The following SLC24A3 variants were observed in gnomAD, a reference collection of about 807,000 sequenced individuals.
The protein encoded by SLC24A3 is sodium/potassium/calcium exchanger 3.
A neutral mutation model predicts 75.8 loss-of-function variants in SLC24A3; 28 were observed. The observed-to-expected ratio is 0.37, with a 90% CI of 0.27 to 0.51. SLC24A3 has a LOEUF of 0.51. Ranked by LOEUF, SLC24A3 falls within the 20% of genes least tolerant of loss-of-function variation. The probability of loss-of-function intolerance (pLI) is 0.94; values close to 1 mark genes in which losing one functional copy is unlikely to be tolerated. For missense variants in SLC24A3, 663 were observed against 847.8 expected (o/e 0.78, Z 2.71); for synonymous variants, 372 against 334.1 (o/e 1.11, Z -1.24).
intron 2 of SLC24A3, among the ~76,000 whole-genome samples, chr20:19,479,849 C>A (rs912643432): frequency 6.6e-6 from 1 of 152,176 alleles, no homozygotes; most frequent in African/African-American, 2.4e-5. Flanking sequence ...GCTTAAGGCA[C>A]ATGGTTGGGA....
At chr20:19,592,142 C>T (rs2031386912) in intron 6 of SLC24A3, among the ~76,000 whole-genome samples, 1 of 152,142 alleles carries the variant, frequency 6.6e-6, no homozygotes, top group South Asian at 2.1e-4. Flanking sequence ...GTTTTGTTTT[C>T]ATTTTAGCCA....
At chr20:19,458,282 C>T (rs1057170620) in intron 2 of SLC24A3, among the ~76,000 whole-genome samples, 2 of 152,136 alleles carry the variant, frequency 1.3e-5, no homozygotes, top group Non-Finnish European at 2.9e-5. Context: ...GCTTTGCACC[C>T]AAGCCCTTAA....
intron 1 of SLC24A3, among the ~76,000 whole-genome samples, chr20:19,267,947 C>T (rs972041475): frequency 1.3e-5 from 2 of 152,158 alleles, no homozygotes; most frequent in African/African-American, 4.8e-5. Flanking sequence ...CATAATTCAT[C>T]TCTAAGTTCA....
At chr20:19,278,965 GT>G (rs2122221021) in intron 1 of SLC24A3, among the ~76,000 whole-genome samples, 1 of 152,320 alleles carries the variant, frequency 6.6e-6, no homozygotes, top group South Asian at 2.1e-4. Flanking sequence ...ACTTCCATGA[GT>G]CTCACTTTCT....
chr20:19,338,113 C>G (rs1201677667), intron 2 of SLC24A3, among the ~76,000 whole-genome samples: 1 of 152,182 alleles, frequency 6.6e-6, no homozygotes, highest in African/African-American at 2.4e-5. Context: ...TTGGCCCCTT[C>G]ACCAAGATGG....
At chr20:19,587,064 T>C (rs895222745) in intron 6 of SLC24A3, among the ~76,000 whole-genome samples, 4 of 152,186 alleles carry the variant, frequency 2.6e-5, no homozygotes, top group African/African-American at 7.2e-5. Context: ...AGATGAACAG[T>C]TGCACCCAGC....
At chr20:19,221,485 G>T (rs8119691) in intron 1 of SLC24A3, among the ~76,000 whole-genome samples, 12,096 of 152,184 alleles carry the variant, frequency 0.079, 563 homozygotes, top group Middle Eastern at 0.12. Flanking sequence ...GTACATTTTT[G>T]AGGGTCACAG....
At chr20:19,693,548 G>A (rs1233103656) in intron 13 of SLC24A3, 123 bp downstream of exon 13, 7 of 1,260,580 alleles carry the variant, frequency 5.6e-6, no homozygotes, top group East Asian at 5.0e-5. Flanking sequence ...GCTGCACAAC[G>A]AACCACTCCT....
chr20:19,593,749 G>A (rs1047639350), intron 6 of SLC24A3, among the ~76,000 whole-genome samples: 1 of 152,190 alleles, frequency 6.6e-6, no homozygotes, highest in Non-Finnish European at 1.5e-5. Flanking sequence ...TCCCTCCACA[G>A]TGTGGCTGTC....
At chr20:19,247,867 G>A (rs900599635) in intron 1 of SLC24A3, among the ~76,000 whole-genome samples, 2 of 152,160 alleles carry the variant, frequency 1.3e-5, no homozygotes, top group Non-Finnish European at 2.9e-5. Context: ...TGATGACACT[G>A]TTGTAGGTCC....
At chr20:19,661,835 C>A (rs573407624) in intron 7 of SLC24A3, among the ~76,000 whole-genome samples, 13 of 152,214 alleles carry the variant, frequency 8.5e-5, no homozygotes, top group Admixed American at 3.9e-4. Context: ...TCCTCCCCTG[C>A]TCCTCCATGT....
chr20:19,522,781 G>T (rs2030126091), intron 3 of SLC24A3, among the ~76,000 whole-genome samples: 1 of 29,128 alleles, frequency 3.4e-5, no homozygotes, highest in Admixed American at 5.5e-4. Flanking sequence ...GGCTGCTCCT[G>T]CAGGGTTTTT....
At chr20:19,472,563 G>A (rs181804495) in intron 2 of SLC24A3, among the ~76,000 whole-genome samples, 1 of 152,320 alleles carries the variant, frequency 6.6e-6, no homozygotes, top group East Asian at 1.9e-4. Flanking sequence ...CCATGAGGAC[G>A]CTCTACCTCA....
intron 1 of SLC24A3, among the ~76,000 whole-genome samples, chr20:19,222,818 T>TTCCTTCCTTCCTTCCTTCCA (rs1568561384): frequency 7.4e-6 from 1 of 135,310 alleles, no homozygotes; most frequent in African/African-American, 2.7e-5. Context: ...CCTTCCTTCG[T>TTCCTTCCTTCCTTCCTTCCA]TCCTTCCTTC....
intron 1 of SLC24A3, among the ~76,000 whole-genome samples, chr20:19,247,208 G>A (rs1982519956): frequency 6.6e-6 from 1 of 152,180 alleles, no homozygotes; most frequent in Admixed American, 6.5e-5. Context: ...AATGACTCCA[G>A]TAGGCTCTCT....
chr20:19,670,950 C>A (rs562120609), intron 8 of SLC24A3, among the ~76,000 whole-genome samples: 4 of 152,074 alleles, frequency 2.6e-5, no homozygotes, highest in Non-Finnish European at 5.9e-5. Context: ...CACCAGATAC[C>A]AGGGAAGGTG....
intron 15 of SLC24A3, among the ~76,000 whole-genome samples, chr20:19,708,539 C>T (rs971022750): frequency 6.6e-6 from 1 of 152,184 alleles, no homozygotes; most frequent in African/African-American, 2.4e-5. Flanking sequence ...CTGGAGCCAA[C>T]TCATATAGCC....
At chr20:19,711,579 C>T (rs1271121937) in intron 15 of SLC24A3, among the ~76,000 whole-genome samples, 1 of 152,218 alleles carries the variant, frequency 6.6e-6, no homozygotes, top group Non-Finnish European at 1.5e-5. Context: ...CACGTGCATG[C>T]TCACATGCAA....
At chr20:19,647,394 A>G (rs1308223658) in intron 6 of SLC24A3, among the ~76,000 whole-genome samples, 1 of 152,202 alleles carries the variant, frequency 6.6e-6, no homozygotes, top group Non-Finnish European at 1.5e-5. Context: ...TAAATGTCCT[A>G]CATTTATTCA....
Sources: gnomAD v4.1 joint callset for allele counts (sites outside exome capture counted in the v4.1 genomes callset) on GRCh38, gnomAD v4.1.1 for gene constraint, MANE v1.5 for transcripts, NCBI Gene and HGNC (gene_info 2026-07-23, HGNC 2026-07-21) for gene names.